Variants in ERICH5 observed in about 807,000 individuals in gnomAD.
The protein encoded by ERICH5 is glutamate rich 5, also known as glutamate-rich protein 5.
Under a neutral mutation model 28.0 loss-of-function variants are expected in ERICH5, and 24 were observed. The observed-to-expected ratio is 0.86, with a 90% CI of 0.62 to 1.21. ERICH5 has a LOEUF of 1.21. Ranked by LOEUF, ERICH5 falls within the 50% of genes most tolerant of loss-of-function variation. The probability of loss-of-function intolerance (pLI) is 0.00; values close to 1 mark genes in which losing one functional copy is unlikely to be tolerated. For missense variants in ERICH5, 421 were observed against 441.2 expected, an observed-to-expected ratio of 0.95 and a Z score of 0.41; for synonymous variants, 163 against 157.6, an observed-to-expected ratio of 1.03 and a Z score of -0.25.
chr8:98,092,913 T>C (rs1206305071), intron 2 of ERICH5, among the ~76,000 whole-genome samples: 6 of 151,874 alleles, frequency 4.0e-5, no homozygotes, highest in African/African-American at 1.5e-4. Context: ...GTAGCTGGGA[T>C]TACAGGCTTG....
intron 1 of ERICH5, among the ~76,000 whole-genome samples, chr8:98,070,025 A>G (rs932697808): frequency 2.2e-4 from 34 of 152,124 alleles, no homozygotes; most frequent in Non-Finnish European, 5.9e-5. Context: ...CAGCTAGAAA[A>G]CGAAGCTTAA....
Position 98,073,485 on chromosome 8 carries a change from T to C in ERICH5, c.58+8758T>C, listed in dbSNP as rs1451658501. 6.3e-4 allele frequency among the ~76,000 whole-genome samples: 2 copies of C among 3,174 alleles called. 1 individual carries two copies. Among genetic ancestry groups the C allele is most frequent in the African/African-American group, 3.0e-3 (2 of 666 alleles). 2.1% of individuals were successfully genotyped at this position (3,174 alleles called of 152,430 possible). ...GTATATATATATATATATATATATA[T>C]GTATATATATATATATATATATATA... On this transcript the variant is annotated intron_variant, in intron 1 of 2. Transcript: ENST00000318528.
rs1268880432 is a variant in ERICH5, at chr8:98,064,730, G to C, written c.58+3G>C. 3.9e-6 allele frequency: 6 copies of C among 1,529,878 alleles called. No homozygotes were observed. Among genetic ancestry groups the C allele is most frequent in the Non-Finnish European group, 5.3e-6 (6 of 1,141,554 alleles). 94.8% of individuals were successfully genotyped at this position (1,529,878 alleles called of 1,614,324 possible). A position where few individuals can be genotyped will look rare whatever the true frequency, so the allele number is the denominator to read the frequency against. ...CGACAGCAGCAGGTTCCCCAGCGGT[G>C]AGCAGGGTACCGGCGCCGCCCGCGC... On this transcript the variant is annotated splice_donor_region_variant and intron_variant, in intron 1 of 2. Coordinates refer to ENST00000318528, the MANE Select transcript of ERICH5 (RefSeq NM_173549.3).
chr8:98,076,261 C>T (rs1196970907), intron 1 of ERICH5, among the ~76,000 whole-genome samples: 1 of 151,884 alleles, frequency 6.6e-6, no homozygotes, highest in Admixed American at 6.6e-5. Context: ...ACTATGTTGG[C>T]CAGGCTGGTC....
intron 1 of ERICH5, among the ~76,000 whole-genome samples, chr8:98,073,487 T>A (rs1297864449): frequency 3.9e-4 from 1 of 2,580 alleles, no homozygotes; most frequent in African/African-American, 1.6e-3. Flanking sequence ...TATATATATG[T>A]ATATATATAT....
chr8:98,070,092 C>T (rs557637833), intron 1 of ERICH5, among the ~76,000 whole-genome samples: 3 of 152,264 alleles, frequency 2.0e-5, no homozygotes, highest in Non-Finnish European at 4.4e-5. Context: ...AGCCTACTTA[C>T]TAGATGGATG....
At chr8:98,073,446 ATATATATATATATG>A (rs1814966015) in intron 1 of ERICH5, among the ~76,000 whole-genome samples, 1 of 15,490 alleles carries the variant, frequency 6.5e-5, no homozygotes, top group Admixed American at 1.1e-3. Flanking sequence ...ATATATATAT[ATATATATATATATG>A]TATATATATA....
At chr8:98,091,924 T>TCTTC (rs1563759652) in intron 2 of ERICH5, among the ~76,000 whole-genome samples, 8 of 72,420 alleles carry the variant, frequency 1.1e-4, no homozygotes, top group African/African-American at 3.2e-4. Context: ...TTTCTTCCTT[T>TCTTC]CTTTCTTTCT....
At position 98,074,140 on chromosome 8, in the gene ERICH5, G is replaced by A. The variant is rs1332211450; in HGVS notation, c.58+9413G>A. On this transcript the variant is annotated intron_variant, in intron 1 of 2. Coordinates refer to ENST00000318528, the MANE Select transcript of ERICH5 (RefSeq NM_173549.3). ...CCTAATTGCTGGACTCAAGGTATCCGCCTGCCTCAGCCTCCCAAAGTGCTG... is the reference window on the plus strand; with the variant it reads ...CCTAATTGCTGGACTCAAGGTATCCACCTGCCTCAGCCTCCCAAAGTGCTG... Among the ~76,000 whole-genome samples the A allele has an allele frequency of 4.7e-5, 7 of 150,328 alleles. No individual in the cohort carries two copies. The East Asian group carries it at 8.0e-4, about 17-fold the overall frequency.
chr8:98,084,343 C>T (rs1038181621), intron 1 of ERICH5, among the ~76,000 whole-genome samples: 1 of 152,116 alleles, frequency 6.6e-6, no homozygotes, highest in Admixed American at 6.6e-5. Context: ...ACATTGACTT[C>T]TGTGTTGCCT....
At chr8:98,084,005 T>C (rs1390188001) in intron 1 of ERICH5, among the ~76,000 whole-genome samples, 3 of 151,444 alleles carry the variant, frequency 2.0e-5, no homozygotes, top group Admixed American at 1.3e-4. Flanking sequence ...ATCAGCCTTC[T>C]AAGTAACTGG....
intron 2 of ERICH5, among the ~76,000 whole-genome samples, chr8:98,090,239 C>A (rs10097657): frequency 0.023 from 3,462 of 152,272 alleles, 82 homozygotes; most frequent in Non-Finnish European, 0.028. Flanking sequence ...GAAACATCAT[C>A]TCTGTCCAAA....
At chr8:98,078,655 T>A (rs1815106501) in intron 1 of ERICH5, among the ~76,000 whole-genome samples, 1 of 152,222 alleles carries the variant, frequency 6.6e-6, no homozygotes, top group African/African-American at 2.4e-5. Context: ...AGTTTCTTTG[T>A]GTGCTTATCA....
At chr8:98,066,616 T>G (rs1047139369) in intron 1 of ERICH5, among the ~76,000 whole-genome samples, 6 of 152,224 alleles carry the variant, frequency 3.9e-5, no homozygotes, top group Non-Finnish European at 5.9e-5. Context: ...TTCATAGGTG[T>G]TGTTATGGAA....
At position 98,064,697 on chromosome 8, in the gene ERICH5, A is replaced by G. The variant is rs752560744; in HGVS notation, c.28A>G (p.Lys10Glu). The change falls in exon 1 of 3, where the codon AAG becomes GAG. Residue 10 changes from lysine (K) to glutamate (E), a missense_variant. By Grantham distance (56) the Lys-to-Glu change is moderately conservative. Transcript: ENST00000318528. MGCSSSALN[K>E]AGDSSRFPSV... Reference sequence around the variant, plus strand: ...GGGCTGCTCCAGCAGCGCCCTCAACAAGGCCGGCGACAGCAGCAGGTTCCC... The same window carrying G: ...GGGCTGCTCCAGCAGCGCCCTCAACGAGGCCGGCGACAGCAGCAGGTTCCC... 9 of 1,535,634 alleles carry G rather than the reference A, an allele frequency of 5.9e-6. No individual in the cohort carries two copies. The African/African-American group carries it at 9.6e-5, about 16-fold the overall frequency.
At chr8:98,082,153 AT>A (rs1442920823) in intron 1 of ERICH5, among the ~76,000 whole-genome samples, 3 of 152,092 alleles carry the variant, frequency 2.0e-5, no homozygotes, top group African/African-American at 4.8e-5. Flanking sequence ...CCCTTCTAGC[AT>A]TTTCCCTATT....
chr8:98,070,690 AAAG>A, intron 1 of ERICH5, among the ~76,000 whole-genome samples: 1 of 149,666 alleles, frequency 6.7e-6, no homozygotes, highest in Non-Finnish European at 1.5e-5. Flanking sequence ...AAAGAAAAGA[AAAG>A]AAAAAGAAAA....
chr8:98,089,305 C>G lies in ERICH5; in HGVS notation c.288C>G (p.Asp96Glu). Reference protein sequence around the residue: ...KDVAPGRDATDQSGSTEKTQP... With the variant: ...KDVAPGRDATEQSGSTEKTQP... ...TAGCCCCTGGAAGGGATGCCACAGA[C>G]CAATCAGGGTCCACAGAAAAGACTC... The change falls in exon 2 of 3, where the codon GAC becomes GAG. Residue 96 changes from aspartate to glutamate, a missense_variant. Coordinates refer to ENST00000318528, the MANE Select transcript of ERICH5 (RefSeq NM_173549.3). The G allele has an allele frequency of 6.2e-7, 1 of 1,614,226 alleles. No individual in the cohort carries two copies. Among genetic ancestry groups the G allele is most frequent in the Non-Finnish European group, 8.5e-7 (1 of 1,180,038 alleles).
At chr8:98,087,825 A>G (rs551562996) in intron 1 of ERICH5, among the ~76,000 whole-genome samples, 15 of 152,272 alleles carry the variant, frequency 9.9e-5, no homozygotes, top group African/African-American at 3.6e-4. Context: ...GGTCTTCATA[A>G]TCATCTTTTT....
Sources: gnomAD v4.1 joint callset for allele counts (sites outside exome capture counted in the v4.1 genomes callset) on GRCh38, gnomAD v4.1.1 for gene constraint, MANE v1.5 for transcripts, NCBI Gene and HGNC (gene_info 2026-07-23, HGNC 2026-07-21) for gene names.